AMPD3: variants seen among roughly 807,000 people sequenced by gnomAD.
The protein encoded by AMPD3 is adenosine monophosphate deaminase 3.
Under a neutral mutation model 82.3 loss-of-function variants are expected in AMPD3, and 57 were observed. The ratio of observed to expected loss-of-function variants is 0.69; its 90% CI spans 0.56 to 0.86. The LOEUF (loss-of-function observed/expected upper bound fraction) is 0.86. AMPD3 is among the 40% of genes least tolerant of loss of function. The pLI, the probability that AMPD3 is intolerant of heterozygous loss-of-function variation, is 0.00. For missense variants in AMPD3, 870 were observed against 1,003.8 expected (o/e 0.87, Z 1.80); for synonymous variants, 381 against 394.7 (o/e 0.97, Z 0.41).
At chr11:10,461,062 G>C in intron 1 of AMPD3, 1 of 1,166,260 alleles carries the variant, frequency 8.6e-7, no homozygotes, top group Non-Finnish European at 1.1e-6. Flanking sequence ...CTGTAATCTT[G>C]TGCGACCTTA....
chr11:10,495,957 C>G (rs571767651), intron 9 of AMPD3, among the ~76,000 whole-genome samples: 4 of 149,184 alleles, frequency 2.7e-5, no homozygotes, highest in Non-Finnish European at 4.4e-5. Context: ...CACTCTGTCA[C>G]CCAGGCTCTG....
At chr11:10,486,549 C>A in intron 5 of AMPD3, 2 of 984,980 alleles carry the variant, frequency 2.0e-6, no homozygotes, top group Non-Finnish European at 2.4e-6. Context: ...CTGGGGGCAT[C>A]AGTCCTTACA....
chr11:10,471,248 C>T (rs1388743299), intron 2 of AMPD3, among the ~76,000 whole-genome samples: 1 of 152,070 alleles, frequency 6.6e-6, no homozygotes, highest in Admixed American at 6.6e-5. Context: ...GTTGGGAAAA[C>T]TGGCTAGCCA....
rs760963439 is a variant in AMPD3 at position 10,501,475 on chromosome 11, G to A, written c.1727G>A (p.Arg576His). 23 of 1,613,870 alleles carry A rather than the reference G, an allele frequency of 1.4e-5. No homozygotes were observed. In the East Asian group the frequency reaches 2.7e-4, roughly 19 times the overall value. ...IMVLNNLRRE[R>H]GLSTFLFRPH... is the part of the protein sequence containing the mutation. ...GGAAACCCCTTCTCTTACAGGGAGC[G>A]CGGCCTGAGCACGTTCCTGTTCCGG... is the stretch of plus-strand genomic sequence containing the variant. The change falls in exon 12 of 15, where the codon CGC becomes CAC. Residue 576 changes from arginine (R) to histidine (H), a missense_variant. By Grantham distance (29) the Arg-to-His change is conservative. Coordinates refer to ENST00000396553, the MANE Select transcript of AMPD3 (RefSeq NM_001025389.2).
intron 2 of AMPD3, among the ~76,000 whole-genome samples, chr11:10,472,236 T>C (rs1848614647): frequency 6.6e-6 from 1 of 151,334 alleles, no homozygotes; most frequent in Admixed American, 6.6e-5. Flanking sequence ...AAGTAGGAGT[T>C]GAACAATGAG....
chr11:10,468,763 G>A (rs1002500857), intron 2 of AMPD3, among the ~76,000 whole-genome samples: 7 of 152,078 alleles, frequency 4.6e-5, no homozygotes, highest in Non-Finnish European at 7.4e-5. Context: ...CTCAGCAAAC[G>A]CAAAAGAATG....
intron 2 of AMPD3, among the ~76,000 whole-genome samples, chr11:10,471,143 C>G (rs969500870): frequency 6.6e-6 from 1 of 152,138 alleles, no homozygotes; most frequent in African/African-American, 2.4e-5. Context: ...GAACAGAGGC[C>G]TCAGAAATAA....
intron 1 of AMPD3, 115 bp from the exon 2 acceptor site, chr11:10,461,400 G>A: frequency 1.9e-6 from 3 of 1,601,656 alleles, no homozygotes; most frequent in Non-Finnish European, 2.5e-6. Flanking sequence ...GCATTCCTAA[G>A]TAGACAGCTG....
intron 2 of AMPD3, chr11:10,478,206 T>A (rs1848795796): frequency 1.0e-6 from 1 of 985,288 alleles, no homozygotes; most frequent in Admixed American, 6.1e-5. Context: ...CCCTGTGGTT[T>A]TAGAGCCCCT....
At chr11:10,501,397 A>G in intron 11 of AMPD3, 73 bp from the exon 12 acceptor site, 2 of 1,592,154 alleles carry the variant, frequency 1.3e-6, no homozygotes, top group Non-Finnish European at 8.6e-7. Context: ...GCTGGCCCTG[A>G]GCTGTGGCTG....
At chr11:10,460,156 A>G (rs1034660688) in intron 1 of AMPD3, among the ~76,000 whole-genome samples, 1 of 150,566 alleles carries the variant, frequency 6.6e-6, no homozygotes, top group African/African-American at 2.4e-5. Context: ...GGAGTGCAGT[A>G]GTACGATCAT....
chr11:10,483,804 T>A (rs145909653), intron 4 of AMPD3, among the ~76,000 whole-genome samples: 1 of 152,372 alleles, frequency 6.6e-6, no homozygotes, highest in African/African-American at 2.4e-5. Context: ...AGATGGAGGA[T>A]GCCCAGGCAG....
Position 10,461,595 on chromosome 11 carries a change from G to T in AMPD3, c.76G>T (p.Ala26Ser), listed in dbSNP as rs779381182. The T allele has an allele frequency of 5.6e-6, 9 of 1,614,140 alleles. No homozygotes were observed. Residue 26 changes from alanine (A) to serine (S), a missense_variant, in exon 2 of 15, where the codon GCT (alanine) becomes TCT (serine). Physicochemically the swap from Ala to Ser is moderately conservative, Grantham distance 99. Coordinates refer to ENST00000396553, the MANE Select transcript of AMPD3 (RefSeq NM_001025389.2). ...CCGGCTCCTGGCGGAGAAGGTGTTT[G>T]CTAAAGTGCTCCGAGAAGAGGACAG... ...QVRLLAEKVF[A>S]KVLREEDSKD...
intron 7 of AMPD3, 68 bp from the exon 8 acceptor site, chr11:10,494,831 G>A (rs575627303): frequency 2.5e-6 from 4 of 1,583,880 alleles, no homozygotes; most frequent in African/African-American, 1.3e-5. Context: ...CCTCGTAAAG[G>A]TCTAGAGAGG....
In AMPD3 at chr11:10,500,891, C is replaced by G. The variant is rs1482091100; in HGVS notation, c.1722-579C>G. ...CCTACAAGTCTTGCATCCCACTTTCCCCTGCTGGGCCCTGGGGTCTCTCTA... is the reference window on the plus strand; with the variant it reads ...CCTACAAGTCTTGCATCCCACTTTCGCCTGCTGGGCCCTGGGGTCTCTCTA... On this transcript the variant is annotated intron_variant, in intron 11 of 14. Coordinates refer to ENST00000396553, the MANE Select transcript of AMPD3 (RefSeq NM_001025389.2). 3.0e-6 allele frequency: 3 copies of G among 985,308 alleles called. No homozygotes were observed. In the African/African-American group the frequency reaches 5.2e-5, roughly 17 times the overall value. 61.0% of individuals were successfully genotyped at this position (985,308 alleles called of 1,614,324 possible).
In AMPD3 at chr11:10,456,819, G is replaced by T. The variant is rs1405520185; in HGVS notation, c.-6+1371G>T. Among the ~76,000 whole-genome samples the T allele has an allele frequency of 1.3e-5, 2 of 152,198 alleles. No individual in the cohort carries two copies. The highest frequency in any genetic ancestry group is 2.9e-5 in the Non-Finnish European group (2 of 68,034). On this transcript the variant is annotated intron_variant, in intron 1 of 14. Coordinates refer to ENST00000396553, the MANE Select transcript of AMPD3 (RefSeq NM_001025389.2). The surrounding 1 kb of genome is among the most constrained non-coding windows in gnomAD (Gnocchi z 4.3). The stretch of plus-strand genomic sequence containing the variant: ...GAGGGTCTGAGAGGAGAGACACTCT[G>T]GAGGGACGGGTTGGCAGGTGGGAGC...
At chr11:10,502,124 C>T (rs1163276104) in intron 12 of AMPD3, 1 of 985,326 alleles carries the variant, frequency 1.0e-6, no homozygotes, top group Non-Finnish European at 1.2e-6. Flanking sequence ...ACAGTCTTCT[C>T]CGTATTTTGG....
At chr11:10,495,129 C>T in intron 8 of AMPD3, 99 bp downstream of exon 8, 7 of 1,609,944 alleles carry the variant, frequency 4.3e-6, no homozygotes, top group South Asian at 1.1e-5. Context: ...CTTCCCCTCC[C>T]TCTGTGTACC....
chr11:10,496,759 A>G, intron 9 of AMPD3, 53 bp from the exon 10 acceptor site: 1 of 1,613,882 alleles, frequency 6.2e-7, no homozygotes, highest in Non-Finnish European at 8.5e-7. Context: ...GGTCTCTGAC[A>G]GGGCAGCAGG....
Sources: gnomAD v4.1 joint callset for allele counts (sites outside exome capture counted in the v4.1 genomes callset) on GRCh38, gnomAD v4.1.1 for gene constraint, Gnocchi (gnomAD v3.1) non-coding constraint, MANE v1.5 for transcripts, NCBI Gene and HGNC (gene_info 2026-07-23, HGNC 2026-07-21) for gene names.